The following KCNH8 variants were observed in gnomAD, a reference collection of about 807,000 sequenced individuals.
The protein encoded by KCNH8 is voltage-gated delayed rectifier potassium channel KCNH8.
In KCNH8, 70 loss-of-function variants were observed where a neutral mutation model predicts 103.6. The observed-to-expected ratio is 0.68, with a 90% CI of 0.56 to 0.82. The LOEUF (loss-of-function observed/expected upper bound fraction) is 0.82. Among genes scored for constraint, KCNH8 ranks in the 40% least tolerant of loss-of-function variants. The pLI is 0.00. For synonymous variants in KCNH8, 498 were observed against 489.4 expected (o/e 1.02, Z -0.23); for missense variants, 1,217 against 1,329.9 (o/e 0.92, Z 1.32).
chr3:19,415,742 A>G (rs1417245338), intron 7 of KCNH8, among the ~76,000 whole-genome samples: 2 of 152,070 alleles, frequency 1.3e-5, no homozygotes, highest in African/African-American at 4.8e-5. Flanking sequence ...TGTAAAAACA[A>G]CAATTACTTT....
intron 3 of KCNH8, among the ~76,000 whole-genome samples, chr3:19,311,803 AC>A (rs1438946456): frequency 6.6e-6 from 1 of 151,890 alleles, no homozygotes; most frequent in East Asian, 1.9e-4. Flanking sequence ...ACTGTTGACT[AC>A]ATTTGAAACT....
intron 3 of KCNH8, among the ~76,000 whole-genome samples, chr3:19,310,193 C>G (rs1406252822): frequency 6.6e-6 from 1 of 152,018 alleles, no homozygotes; most frequent in Middle Eastern, 3.4e-3. Context: ...TACTGATTAC[C>G]ATGGTATTTG....
chr3:19,327,272 A>G (rs2065437150), intron 3 of KCNH8, among the ~76,000 whole-genome samples: 1 of 152,166 alleles, frequency 6.6e-6, no homozygotes, highest in South Asian at 2.1e-4. Flanking sequence ...GTGATGGCTA[A>G]TTGCTGGCCA....
intron 7 of KCNH8, among the ~76,000 whole-genome samples, chr3:19,435,859 A>T (rs2067191442): frequency 6.6e-6 from 1 of 152,210 alleles, no homozygotes; most frequent in Non-Finnish European, 1.5e-5. Context: ...ACATAAATCA[A>T]AGTTTTTAGG....
intron 7 of KCNH8, among the ~76,000 whole-genome samples, chr3:19,437,959 T>C (rs2067225590): frequency 6.6e-6 from 1 of 152,202 alleles, no homozygotes; most frequent in Non-Finnish European, 1.5e-5. Flanking sequence ...ATATGCTGTG[T>C]GTATTATAGA....
chr3:19,284,865 T>G (rs1310751069), intron 3 of KCNH8, among the ~76,000 whole-genome samples: 1 of 148,802 alleles, frequency 6.7e-6, no homozygotes, highest in Non-Finnish European at 1.5e-5. Context: ...ATATGTCCTT[T>G]TTATAAAAAA....
chr3:19,497,101 C>T (rs189179053), intron 11 of KCNH8, among the ~76,000 whole-genome samples: 26 of 152,208 alleles, frequency 1.7e-4, no homozygotes, highest in Non-Finnish European at 2.8e-4. Context: ...GTAACATCCC[C>T]TTTGTTATTT....
At chr3:19,406,615 T>G (rs995691258) in intron 7 of KCNH8, among the ~76,000 whole-genome samples, 6 of 152,070 alleles carry the variant, frequency 3.9e-5, no homozygotes, top group Admixed American at 2.0e-4. Context: ...AATTGCTGTA[T>G]TTTTTTCAAC....
chr3:19,183,175 T>C (rs1055327313), intron 1 of KCNH8, among the ~76,000 whole-genome samples: 1 of 152,202 alleles, frequency 6.6e-6, no homozygotes, highest in African/African-American at 2.4e-5. Flanking sequence ...TACAGGAAGT[T>C]CTAGCCAATG....
chr3:19,450,058 C>A, intron 8 of KCNH8, 48 bp from the exon 9 acceptor site: 1 of 1,473,216 alleles, frequency 6.8e-7, no homozygotes, highest in South Asian at 1.2e-5. Context: ...ACGTGGTGGG[C>A]CTCATGTCAC....
At chr3:19,439,928 G>A (rs761392461) in intron 8 of KCNH8, among the ~76,000 whole-genome samples, 1 of 151,674 alleles carries the variant, frequency 6.6e-6, no homozygotes, top group Admixed American at 6.6e-5. Context: ...AAGAAAAAGT[G>A]GAGAGAAAAA....
chr3:19,505,925 C>G (rs2068683785), intron 11 of KCNH8, among the ~76,000 whole-genome samples: 1 of 152,104 alleles, frequency 6.6e-6, no homozygotes, highest in Non-Finnish European at 1.5e-5. Flanking sequence ...TTTTCGAACT[C>G]TGAGATTCTT....
rs759757644 is a variant in KCNH8, at chr3:19,281,269, G to T, written c.382G>T (p.Ala128Ser). 1.2e-6 allele frequency: 2 copies of T among 1,611,206 alleles called. No homozygotes were observed. Among genetic ancestry groups the T allele is most frequent in the Admixed American group, 1.7e-5 (1 of 59,858 alleles). ...NEKGDVVLFL[A>S]SFKDITDTKV... Reference sequence around the variant, plus strand: ...AAAAGGAGATGTAGTACTTTTTCTGGCCTCGTTCAAAGATATAACAGATAC... The same window carrying T: ...AAAAGGAGATGTAGTACTTTTTCTGTCCTCGTTCAAAGATATAACAGATAC... Residue 128 changes from alanine (A) to serine (S), a missense_variant, in exon 3 of 16, where the codon GCC (alanine) becomes TCC (serine). By Grantham distance (99) the Ala-to-Ser change is moderately conservative (BLOSUM62 1). This residue lies in a region of KCNH8 where 244 missense variants were observed against 256.8 expected (regional missense o/e 0.95). Coordinates refer to ENST00000328405, the MANE Select transcript of KCNH8 (RefSeq NM_144633.3).
intron 15 of KCNH8, among the ~76,000 whole-genome samples, chr3:19,526,985 G>A (rs1171893346): frequency 6.6e-6 from 1 of 151,818 alleles, no homozygotes; most frequent in Non-Finnish European, 1.5e-5. Flanking sequence ...TGCCCTACCT[G>A]CCCCCCAGCT....
chr3:19,233,703 T>A (rs1303987921), intron 1 of KCNH8, among the ~76,000 whole-genome samples: 1 of 152,212 alleles, frequency 6.6e-6, no homozygotes, highest in Non-Finnish European at 1.5e-5. Context: ...TCCTCTCACG[T>A]GTCAAAGATG....
At chr3:19,209,925 T>C (rs973588754) in intron 1 of KCNH8, among the ~76,000 whole-genome samples, 9 of 151,992 alleles carry the variant, frequency 5.9e-5, no homozygotes, top group African/African-American at 2.2e-4. Context: ...TGGGAAGAGA[T>C]TTTTTTGGGG....
At chr3:19,326,116 T>C (rs1037248729) in intron 3 of KCNH8, among the ~76,000 whole-genome samples, 5 of 151,872 alleles carry the variant, frequency 3.3e-5, no homozygotes. Context: ...TTCTTACTCA[T>C]AAGTGGGAGC....
intron 1 of KCNH8, among the ~76,000 whole-genome samples, chr3:19,208,488 GAA>G (rs1425188732): frequency 3.3e-5 from 5 of 151,862 alleles, no homozygotes; most frequent in Non-Finnish European, 5.9e-5. Flanking sequence ...TTAAAAAATT[GAA>G]AAGAGTGGTG....
rs997772358 is a variant in KCNH8, at chr3:19,326,502, G to A, written c.443-16085G>A. ...GTACTTTTTAAACTCCTTTTTCTGA[G>A]TCAGGCTTAGGTAAAATCATTCCCT... On this transcript the variant is annotated intron_variant, in intron 3 of 15. Coordinates refer to ENST00000328405, the MANE Select transcript of KCNH8 (RefSeq NM_144633.3). 5.9e-5 allele frequency among the ~76,000 whole-genome samples: 9 copies of A among 151,860 alleles called. No individual in the cohort carries two copies. In the East Asian group the frequency reaches 1.7e-3, roughly 29 times the overall value.
Sources: gnomAD v4.1 joint callset for allele counts (sites outside exome capture counted in the v4.1 genomes callset) on GRCh38, gnomAD v4.1.1 for gene constraint, gnomAD v4.1.1 regional missense constraint, MANE v1.5 for transcripts, NCBI Gene and HGNC (gene_info 2026-07-23, HGNC 2026-07-21) for gene names.